The following FRMD6 variants were observed in gnomAD, a reference collection of about 807,000 sequenced individuals.
The protein encoded by FRMD6 is FERM domain containing 6.
FRMD6 carries 37 observed loss-of-function variants against 73.2 expected under a neutral mutation model. The observed-to-expected ratio is 0.51, with a 90% confidence interval of 0.39 to 0.66. The LOEUF is 0.66. FRMD6 is among the 30% of genes least tolerant of loss of function. FRMD6 has a pLI of 0.00. For synonymous variants in FRMD6, 273 were observed against 282.2 expected, an observed-to-expected ratio of 0.97 and a Z score of 0.33; for missense variants, 714 against 780.5, an observed-to-expected ratio of 0.91 and a Z score of 1.02.
At chr14:51,434,497 G>GT in the FRMD6 span, among the ~76,000 whole-genome samples, 1 of 121,862 alleles carries the variant, frequency 8.2e-6, no homozygotes, top group East Asian at 2.4e-4. Flanking sequence ...GTAAAAATTG[G>GT]GACAATTTGA....
chr14:51,456,134 TTTTCTC>T, the FRMD6 span, among the ~76,000 whole-genome samples: 2 of 152,190 alleles, frequency 1.3e-5, no homozygotes, highest in Non-Finnish European at 2.9e-5. Context: ...GAATATTTCT[TTTTCTC>T]TTTTTTTCTT....
At chr14:51,667,040 G>A (rs958125256) in intron 1 of FRMD6, among the ~76,000 whole-genome samples, 8 of 152,140 alleles carry the variant, frequency 5.3e-5, no homozygotes, top group African/African-American at 1.4e-4. Flanking sequence ...AGATTGAGGC[G>A]GGAGGATTGC....
intron 1 of FRMD6, among the ~76,000 whole-genome samples, chr14:51,526,383 G>C (rs1170288545): frequency 6.6e-6 from 1 of 152,128 alleles, no homozygotes; most frequent in African/African-American, 2.4e-5. Context: ...TCATGAGCAA[G>C]AAATACCAGG....
intron 1 of FRMD6, among the ~76,000 whole-genome samples, chr14:51,659,793 T>C (rs1165084045): frequency 1.3e-5 from 2 of 152,198 alleles, no homozygotes; most frequent in African/African-American, 4.8e-5. Context: ...GCCACTATTA[T>C]TGATATAAAG....
chr14:51,701,228 A>G, intron 4 of FRMD6, 69 bp downstream of exon 4: 1 of 864,234 alleles, frequency 1.2e-6, no homozygotes, highest in Non-Finnish European at 1.8e-6. Flanking sequence ...GCTGTTATAC[A>G]TTAGAAGAAA....
chr14:51,684,849 A>T (rs1039981228), intron 1 of FRMD6, among the ~76,000 whole-genome samples: 1 of 152,240 alleles, frequency 6.6e-6, no homozygotes, highest in African/African-American at 2.4e-5. Flanking sequence ...TGTGCCTGTC[A>T]TTGGAGATTA....
chr14:51,564,403 T>G (rs772689277), intron 1 of FRMD6, among the ~76,000 whole-genome samples: 1 of 152,182 alleles, frequency 6.6e-6, no homozygotes, highest in Non-Finnish European at 1.5e-5. Context: ...AAAATCTCTT[T>G]TTTAAAAGTT....
At chr14:51,562,510 A>C (rs1470723473) in intron 1 of FRMD6, among the ~76,000 whole-genome samples, 1 of 152,214 alleles carries the variant, frequency 6.6e-6, no homozygotes, top group Admixed American at 6.5e-5. Flanking sequence ...TGGGAAGTCA[A>C]CCATGCGTGG....
upstream of FRMD6, among the ~76,000 whole-genome samples, chr14:51,649,347 C>A (rs1441957610): frequency 2.6e-5 from 4 of 152,022 alleles, no homozygotes; most frequent in Non-Finnish European, 5.9e-5. Context: ...TAATTCTGGA[C>A]AACAAGCCCA....
intron 7 of FRMD6, among the ~76,000 whole-genome samples, chr14:51,709,575 A>G (rs1013978770): frequency 2.6e-5 from 4 of 152,168 alleles, no homozygotes; most frequent in South Asian, 2.1e-4. Flanking sequence ...TCTCTCTTCT[A>G]TGCCCAAGAG....
chr14:51,557,352 T>C (rs1887198969), intron 1 of FRMD6, among the ~76,000 whole-genome samples: 1 of 152,108 alleles, frequency 6.6e-6, no homozygotes, highest in African/African-American at 2.4e-5. Context: ...ATGACATGGA[T>C]GAACCTGGAA....
At chr14:51,497,803 G>A (rs996316747) in intron 1 of FRMD6, among the ~76,000 whole-genome samples, 2 of 152,136 alleles carry the variant, frequency 1.3e-5, no homozygotes, top group African/African-American at 4.8e-5. Flanking sequence ...ATCACTAGTG[G>A]TTACCATCCT....
intron 2 of FRMD6, among the ~76,000 whole-genome samples, chr14:51,580,643 C>T (rs1019413706): frequency 6.6e-6 from 1 of 152,108 alleles, no homozygotes; most frequent in African/African-American, 2.4e-5. Flanking sequence ...GTGGAAGCAT[C>T]GTAAAAAAGC....
intron 1 of FRMD6, among the ~76,000 whole-genome samples, chr14:51,506,703 A>G (rs1305363456): frequency 9.2e-5 from 14 of 152,216 alleles, no homozygotes; most frequent in Admixed American, 9.2e-4. Flanking sequence ...TAAGGGAATG[A>G]TCTGAGCAGC....
the FRMD6 span, chr14:51,436,295 G>T: frequency 2.6e-6 from 1 of 385,586 alleles, no homozygotes; most frequent in South Asian, 2.8e-5. Context: ...GGTCAGAATT[G>T]ATTGCCAAAA....
rs369921740 is a variant in FRMD6 at position 51,655,185 on chromosome 14, C to G, written c.-147+3189C>G. Among the ~76,000 whole-genome samples the G allele has an allele frequency of 7.2e-5, 11 of 152,180 alleles. No individual in the cohort carries two copies. In the East Asian group the frequency reaches 1.2e-3, roughly 16 times the overall value. ...CCTCCCCACCCCCAACGAGGAAAAA[C>G]AAACACAGTTTATTAAAAAGTCAGT... On this transcript the variant is annotated intron_variant, in intron 1 of 13. Coordinates refer to ENST00000344768, the MANE Select transcript of FRMD6 (RefSeq NM_001267046.2).
the FRMD6 span, among the ~76,000 whole-genome samples, chr14:51,473,708 G>A: frequency 1.3e-5 from 2 of 152,002 alleles, no homozygotes; most frequent in Admixed American, 6.6e-5. Context: ...TACTTTCTCC[G>A]CCTACCCCTT....
At chr14:51,543,874 T>C (rs1886328087) in intron 1 of FRMD6, among the ~76,000 whole-genome samples, 1 of 152,034 alleles carries the variant, frequency 6.6e-6, no homozygotes. Flanking sequence ...AATCAGGCAG[T>C]GAAGTCAGTA....
chr14:51,574,550 T>A lies in FRMD6; in HGVS notation c.-147+4140T>A, dbSNP rs144033237. 9.1e-4 allele frequency among the ~76,000 whole-genome samples: 139 copies of A among 152,232 alleles called. 1 individual carries two copies. The highest frequency in any genetic ancestry group is 3.4e-3 in the Middle Eastern group (1 of 294). ...CAGAACCTGAGGACATTATGTTACA[T>A]AAAACAAGCCAGGCACAGGAAGACA... On this transcript the variant is annotated intron_variant, in intron 2 of 14. Coordinates refer to the FRMD6 transcript ENST00000356218.
Sources: gnomAD v4.1 joint callset for allele counts (sites outside exome capture counted in the v4.1 genomes callset) on GRCh38, gnomAD v4.1.1 for gene constraint, MANE v1.5 for transcripts, NCBI Gene and HGNC (gene_info 2026-07-23, HGNC 2026-07-21) for gene names.